The following UBP1 variants were observed in gnomAD, a reference collection of about 807,000 sequenced individuals.
UBP1 encodes the protein upstream-binding protein 1.
UBP1 carries 22 observed loss-of-function variants against 76.1 expected under a neutral mutation model. The observed-to-expected ratio is 0.29, with a 90% CI of 0.21 to 0.41. The LOEUF (loss-of-function observed/expected upper bound fraction) is 0.41, where lower values mean the gene tolerates loss of function less well. Ranked by LOEUF, UBP1 falls within the 10% of genes least tolerant of loss-of-function variation. The pLI is 1.00. For missense variants in UBP1, 436 were observed against 668.1 expected, an observed-to-expected ratio of 0.65 and a Z score of 3.83; for synonymous variants, 224 against 237.1, an observed-to-expected ratio of 0.94 and a Z score of 0.51.
At chr3:33,434,524 T>G (rs916789499) in intron 1 of UBP1, among the ~76,000 whole-genome samples, 1 of 150,990 alleles carries the variant, frequency 6.6e-6, no homozygotes, top group African/African-American at 2.4e-5. Context: ...CGACCTCAGG[T>G]GATCCACCTG....
At chr3:33,431,900 G>A (rs1227246566) in intron 1 of UBP1, among the ~76,000 whole-genome samples, 17 of 152,078 alleles carry the variant, frequency 1.1e-4, no homozygotes, top group Admixed American at 9.8e-4. Flanking sequence ...GAATGTTATG[G>A]TATAAACTAC....
chr3:33,424,607 C>A (rs1375337581), intron 2 of UBP1, among the ~76,000 whole-genome samples: 1 of 152,122 alleles, frequency 6.6e-6, no homozygotes, highest in East Asian at 1.9e-4. Flanking sequence ...TAAAAATGTT[C>A]AAAAAATTGT....
intron 8 of UBP1, among the ~76,000 whole-genome samples, chr3:33,405,425 C>T (rs150228174): frequency 6.3e-4 from 96 of 152,314 alleles, no homozygotes; most frequent in South Asian, 1.0e-3. Flanking sequence ...ATCACCACCA[C>T]GCCAGAACAT....
intron 1 of UBP1, among the ~76,000 whole-genome samples, chr3:33,425,952 C>T (rs2045003425): frequency 7.1e-6 from 1 of 140,304 alleles, no homozygotes; most frequent in African/African-American, 2.7e-5. Context: ...TTAACAACCC[C>T]TATCTCGGGG....
rs180740192 is a variant in UBP1 at position 33,426,000 on chromosome 3, T to A, written c.114-259A>T. ...GAGGGCGGCAGGGCAGCTCTGAATA[T>A]ATATATATATATATATATATATATA... On this transcript the variant is annotated intron_variant, in intron 1 of 15. Transcript: ENST00000283629. 0.062 allele frequency among the ~76,000 whole-genome samples: 3,035 copies of A among 48,802 alleles called. 184 individuals carry two copies. The highest frequency in any genetic ancestry group is 0.17 in the Admixed American group (836 of 4,930). 32.0% of individuals were successfully genotyped at this position (48,802 alleles called of 152,430 possible).
At position 33,408,743 on chromosome 3, in the gene UBP1, T is replaced by C. The variant is rs752280559; in HGVS notation, c.874A>G (p.Ser292Gly). 1.2e-6 allele frequency: 2 copies of C among 1,614,046 alleles called. No individual in the cohort carries two copies. The highest frequency in any genetic ancestry group is 2.2e-5 in the South Asian group (2 of 91,084). ...DAVEHEQKKSSKRTLPADYGD... is the reference protein window; with the variant it reads ...DAVEHEQKKSGKRTLPADYGD... ...TAGTCTGCTGGCAAAGTCCGCTTGCTGGACTTTTTCTGCTCATGTTCAACT... is the reference window on the plus strand; with the variant it reads ...TAGTCTGCTGGCAAAGTCCGCTTGCCGGACTTTTTCTGCTCATGTTCAACT... The change falls in exon 8 of 16, where the codon AGC becomes GGC. Residue 292 changes from serine (S) to glycine (G), a missense_variant. Ser to Gly is a moderately conservative substitution (Grantham distance 56). This residue lies in a region of UBP1 where 65 missense variants were observed against 157.4 expected (regional missense o/e 0.41). Coordinates refer to ENST00000283629, the MANE Select transcript of UBP1 (RefSeq NM_014517.5).
chr3:33,425,878 G>A, intron 1 of UBP1, 137 bp from the exon 2 acceptor site: 1 of 511,514 alleles, frequency 2.0e-6, no homozygotes, highest in Non-Finnish European at 2.8e-6. Flanking sequence ...TTTTTTTTAA[G>A]ATCAGAAATT....
At chr3:33,403,933 A>G (rs2044339636) in intron 8 of UBP1, among the ~76,000 whole-genome samples, 1 of 152,134 alleles carries the variant, frequency 6.6e-6, no homozygotes, top group African/African-American at 2.4e-5. Flanking sequence ...CATCACATCT[A>G]ACTATAGCCC....
intron 8 of UBP1, among the ~76,000 whole-genome samples, chr3:33,406,602 C>T (rs140495447): frequency 1.4e-4 from 21 of 152,300 alleles, no homozygotes; most frequent in African/African-American, 5.1e-4. Context: ...TGTAGAAACA[C>T]CAAGTTTACC....
At chr3:33,428,415 G>A (rs1291844192) in intron 1 of UBP1, among the ~76,000 whole-genome samples, 2 of 152,014 alleles carry the variant, frequency 1.3e-5, no homozygotes, top group Non-Finnish European at 2.9e-5. Flanking sequence ...AACTGCTTGG[G>A]TTGATCATTA....
At chr3:33,419,412 G>A (rs896700840) in intron 2 of UBP1, among the ~76,000 whole-genome samples, 3 of 152,072 alleles carry the variant, frequency 2.0e-5, no homozygotes, top group Admixed American at 6.5e-5. Context: ...GGCGGATCAC[G>A]AGGTCAGGAG....
intron 8 of UBP1, among the ~76,000 whole-genome samples, chr3:33,405,231 T>A (rs2044386106): frequency 6.6e-6 from 1 of 152,160 alleles, no homozygotes; most frequent in Admixed American, 6.5e-5. Flanking sequence ...TATGTCATAT[T>A]AGGATAAAAT....
chr3:33,434,523 G>A (rs150827282), intron 1 of UBP1, among the ~76,000 whole-genome samples: 1 of 151,048 alleles, frequency 6.6e-6, no homozygotes, highest in Non-Finnish European at 1.5e-5. Flanking sequence ...CCGACCTCAG[G>A]TGATCCACCT....
At chr3:33,429,836 A>C (rs1418773125) in intron 1 of UBP1, among the ~76,000 whole-genome samples, 2 of 152,240 alleles carry the variant, frequency 1.3e-5, no homozygotes, top group Non-Finnish European at 2.9e-5. Flanking sequence ...GCAAGACCCT[A>C]GTGTGAGGCA....
intron 13 of UBP1, among the ~76,000 whole-genome samples, chr3:33,395,750 GAAA>G (rs61654235): frequency 5.7e-5 from 4 of 69,796 alleles, no homozygotes; most frequent in South Asian, 5.3e-4. Flanking sequence ...CAGGAAAATT[GAAA>G]AAAAAAAAAA....
At chr3:33,440,573 G>C (rs1174763198), upstream of UBP1, 1 of 152,454 alleles carries the variant, frequency 6.6e-6, no homozygotes, top group Non-Finnish European at 1.5e-5. Context: ...GGGTGGCCTC[G>C]CTGCGTCCCC....
chr3:33,427,247 G>A (rs1033960258), intron 1 of UBP1, among the ~76,000 whole-genome samples: 35 of 152,230 alleles, frequency 2.3e-4, no homozygotes, highest in African/African-American at 7.2e-4. Context: ...TTATAGGCGT[G>A]AGCCATCACG....
rs576585302 is a variant in UBP1 at position 33,425,532 on chromosome 3, A to G, written c.265+58T>C. ...CAATAATCTAGGCTACAATGCCAAA[A>G]TATTATTTTGTATTTCTGTAAATTC... On this transcript the variant is annotated intron_variant, in intron 2 of 15. Coordinates refer to ENST00000283629, the MANE Select transcript of UBP1 (RefSeq NM_014517.5). 2,647 of 1,450,102 alleles carry G rather than the reference A, an allele frequency of 1.8e-3. 8 individuals are homozygous for G. Among genetic ancestry groups the G allele is most frequent in the Non-Finnish European group, 1.6e-3 (1,759 of 1,078,278 alleles). The allele number at this position is 1,450,102 out of a possible 1,614,324, so 89.8% of individuals were successfully genotyped here. A position where few individuals can be genotyped will look rare whatever the true frequency, so the allele number is the denominator to read the frequency against.
At chr3:33,404,081 T>G (rs890577159) in intron 8 of UBP1, among the ~76,000 whole-genome samples, 2 of 152,022 alleles carry the variant, frequency 1.3e-5, no homozygotes, top group Non-Finnish European at 2.9e-5. Flanking sequence ...GGCAACACAG[T>G]GAGACCCTGT....
Sources: gnomAD v4.1 joint callset for allele counts (sites outside exome capture counted in the v4.1 genomes callset) on GRCh38, gnomAD v4.1.1 for gene constraint, gnomAD v4.1.1 regional missense constraint, MANE v1.5 for transcripts, NCBI Gene and HGNC (gene_info 2026-07-23, HGNC 2026-07-21) for gene names.